The following CLPTM1 variants were observed in gnomAD, a reference collection of about 807,000 sequenced individuals.
The protein encoded by CLPTM1 is CLPTM1 regulator of GABA type A receptor forward trafficking.
CLPTM1 carries 21 observed loss-of-function variants against 77.3 expected under a neutral mutation model. That is an observed-to-expected ratio of 0.27 (90% CI 0.19 to 0.39). The LOEUF (loss-of-function observed/expected upper bound fraction) is 0.39. Among genes scored for constraint, CLPTM1 ranks in the 10% least tolerant of loss-of-function variants. CLPTM1 has a pLI of 1.00. For synonymous variants in CLPTM1, 373 were observed against 381.0 expected (o/e 0.98, Z 0.24); for missense variants, 642 against 921.2 (o/e 0.70, Z 3.92).
upstream of CLPTM1, chr19:44,955,261 G>C (rs1970440805): frequency 6.8e-7 from 1 of 1,477,692 alleles, no homozygotes; most frequent in African/African-American, 1.4e-5. Flanking sequence ...GCCTTCCTGA[G>C]AGGCGTGGCT....
chr19:44,992,541 C>G lies in CLPTM1; in HGVS notation c.1724-70C>G. 6.2e-7 allele frequency: 1 copy of G among 1,601,738 alleles called. No individual in the cohort carries two copies. The highest frequency in any genetic ancestry group is 1.3e-5 in the African/African-American group (1 of 74,860). On this transcript the variant is annotated intron_variant, in intron 13 of 13. Transcript: ENST00000337392. This position sits in a 1 kb window ranked among gnomAD's most constrained non-coding sequence, Gnocchi z 7.7. ...CTCGGCCCCGCCCTTGCATCACGCC[C>G]TCTCCACCCAGGCCCACCTGGCTGT...
chr19:44,968,623 T>A (rs1006201723), intron 2 of CLPTM1, among the ~76,000 whole-genome samples: 3 of 72,398 alleles, frequency 4.1e-5, no homozygotes, highest in African/African-American at 1.7e-4. Flanking sequence ...ACTGTGGGCG[T>A]GTGGATACAC....
intron 2 of CLPTM1, among the ~76,000 whole-genome samples, chr19:44,963,681 G>A (rs1404891093): frequency 8.6e-5 from 13 of 150,494 alleles, no homozygotes; most frequent in East Asian, 2.0e-4. Context: ...GTACAGTGGC[G>A]CGATCTCAGC....
At chr19:44,987,882 T>C in intron 8 of CLPTM1, 198 bp from the exon 9 acceptor site, 1 of 609,574 alleles carries the variant, frequency 1.6e-6, no homozygotes, top group Non-Finnish European at 2.9e-6. Context: ...CTTCCCCTAG[T>C]GCCATCTCCC....
intron 3 of CLPTM1, 85 bp downstream of exon 3, chr19:44,973,295 C>G: frequency 6.4e-7 from 1 of 1,572,978 alleles, no homozygotes; most frequent in South Asian, 1.1e-5. Flanking sequence ...GCAGTCGGGA[C>G]AGACCAGGTC....
Position 44,990,311 on chromosome 19 carries a change from G to A in CLPTM1, c.1133-84G>A, listed in dbSNP as rs1971048889. On this transcript the variant is annotated intron_variant, in intron 9 of 13. Coordinates refer to ENST00000337392, the MANE Select transcript of CLPTM1 (RefSeq NM_001294.4). The surrounding 1 kb of genome is among the most constrained non-coding windows in gnomAD (Gnocchi z 4.8). The stretch of plus-strand genomic sequence containing the variant: ...CAGCCCCACCCCAGGGTGTGAGGAT[G>A]CAGGCCAAGGGGGCCTGAGGGAGCT... 1 of 1,416,128 alleles carries A rather than the reference G, an allele frequency of 7.1e-7. No individual in the cohort carries two copies. The highest frequency in any genetic ancestry group is 1.3e-5 in the South Asian group (1 of 78,560). 87.7% of individuals were successfully genotyped at this position (1,416,128 alleles called of 1,614,324 possible).
At chr19:44,985,727 A>G (rs204470) in intron 6 of CLPTM1, among the ~76,000 whole-genome samples, 142,383 of 152,208 alleles carry the variant, frequency 0.94, 66,669 homozygotes, top group Middle Eastern at 0.97. Flanking sequence ...TGTCACTCCC[A>G]GTGGGCTGGG....
intron 3 of CLPTM1, 49 bp from the exon 4 acceptor site, chr19:44,974,389 AG>A: frequency 6.4e-7 from 1 of 1,567,860 alleles, no homozygotes; most frequent in Non-Finnish European, 8.7e-7. Context: ...GCCAGCCTGC[AG>A]AGGCTCTGAA....
At position 44,985,414 on chromosome 19, in the gene CLPTM1, T is replaced by C. The variant is rs1291202721; in HGVS notation, c.672+111T>C. 1.1e-5 allele frequency: 8 copies of C among 730,842 alleles called. No homozygotes were observed. The East Asian group carries it at 1.1e-4, about 10-fold the overall frequency. The allele number at this position is 730,842 out of a possible 1,614,324, so 45.3% of individuals were successfully genotyped here. On this transcript the variant is annotated intron_variant, in intron 6 of 13. Coordinates refer to ENST00000337392, the MANE Select transcript of CLPTM1 (RefSeq NM_001294.4). ...ACCACCACTGAACCACCATGCCGGC[T>C]CGGTCATGCCACCTCCCCTCCCTGA...
chr19:44,956,886 T>G (rs1299134474), intron 1 of CLPTM1, among the ~76,000 whole-genome samples: 2 of 152,230 alleles, frequency 1.3e-5, no homozygotes, highest in Non-Finnish European at 2.9e-5. Flanking sequence ...TCCGACACTT[T>G]TCTTCAGACT....
chr19:44,992,465 C>A lies in CLPTM1; in HGVS notation c.1723+65C>A. ...GGGCCCTGAGGCAGTCTTTAGGGCC[C>A]AGGCCTGAGGGGGTGCCACGGCCCC... On this transcript the variant is annotated intron_variant, in intron 13 of 13. Transcript: ENST00000337392. The surrounding 1 kb of genome is among the most constrained non-coding windows in gnomAD (Gnocchi z 7.7). The A allele has an allele frequency of 1.2e-6, 2 of 1,604,308 alleles. No homozygotes were observed. The highest frequency in any genetic ancestry group is 1.7e-6 in the Non-Finnish European group (2 of 1,173,000).
At chr19:44,966,905 G>C (rs1014579511) in intron 2 of CLPTM1, among the ~76,000 whole-genome samples, 2 of 151,770 alleles carry the variant, frequency 1.3e-5, no homozygotes, top group Non-Finnish European at 2.9e-5. Context: ...GCAGTGGCGC[G>C]ATCTCGGCTC....
At chr19:44,977,732 C>G (rs1970828197) in intron 5 of CLPTM1, among the ~76,000 whole-genome samples, 1 of 152,170 alleles carries the variant, frequency 6.6e-6, no homozygotes, top group African/African-American at 2.4e-5. Context: ...GAGACAGGGA[C>G]TCTTGGAGAG....
At chr19:44,985,541 G>GA (rs1970964003) in intron 6 of CLPTM1, among the ~76,000 whole-genome samples, 1 of 152,182 alleles carries the variant, frequency 6.6e-6, no homozygotes, top group African/African-American at 2.4e-5. Context: ...GCCAGCCTGG[G>GA]AGGGGTCTAC....
At chr19:44,978,493 TATG>T (rs1970841161) in intron 5 of CLPTM1, among the ~76,000 whole-genome samples, 1 of 151,774 alleles carries the variant, frequency 6.6e-6, no homozygotes, top group South Asian at 2.1e-4. Context: ...AATAGCCAGG[TATG>T]GTGGTGAGCA....
rs201022432 is a variant in CLPTM1 at position 44,992,654 on chromosome 19, C to G, written c.1767C>G (p.Arg589=). The G allele has an allele frequency of 6.2e-7, 1 of 1,613,844 alleles. No homozygotes were observed. Among genetic ancestry groups the G allele is most frequent in the Non-Finnish European group, 8.5e-7 (1 of 1,179,966 alleles). Residue 589 remains arginine, a synonymous_variant, in exon 14 of 14, where the codon CGC becomes CGG. Coordinates refer to ENST00000337392, the MANE Select transcript of CLPTM1 (RefSeq NM_001294.4). This position sits in a 1 kb window ranked among gnomAD's most constrained non-coding sequence, Gnocchi z 7.7. ...FIYLYQRWIY[R]VDPTRVNEFG... is the part of the protein sequence containing the mutation. ...ACCTCTACCAACGGTGGATCTACCG[C>G]GTCGACCCCACCCGAGTCAACGAGT...
chr19:44,987,583 G>A (rs550886151), intron 8 of CLPTM1, 160 bp downstream of exon 8: 2 of 984,446 alleles, frequency 2.0e-6, no homozygotes, highest in Admixed American at 2.5e-5. Context: ...GAAAGGAAGT[G>A]GGCACCCAGC....
intron 2 of CLPTM1, among the ~76,000 whole-genome samples, chr19:44,971,573 A>AT (rs902918437): frequency 1.3e-4 from 19 of 151,946 alleles, no homozygotes; most frequent in African/African-American, 3.9e-4. Flanking sequence ...TAATTGATTA[A>AT]TTTTTTTGGG....
intron 9 of CLPTM1, among the ~76,000 whole-genome samples, chr19:44,989,416 G>T (rs1028790139): frequency 6.6e-6 from 1 of 151,936 alleles, no homozygotes; most frequent in African/African-American, 2.4e-5. Context: ...GGCCTCCCTG[G>T]TCTAAGGAGA....
Sources: gnomAD v4.1 joint callset for allele counts (sites outside exome capture counted in the v4.1 genomes callset) on GRCh38, gnomAD v4.1.1 for gene constraint, Gnocchi (gnomAD v3.1) non-coding constraint, MANE v1.5 for transcripts, NCBI Gene and HGNC (gene_info 2026-07-23, HGNC 2026-07-21) for gene names.